SOS2: variants seen among roughly 807,000 people sequenced by gnomAD.
SOS2 encodes son of sevenless homolog 2.
A neutral mutation model predicts 148.2 loss-of-function variants in SOS2; 65 were observed. That is an observed-to-expected ratio of 0.44 (90% CI 0.36 to 0.54). The LOEUF (loss-of-function observed/expected upper bound fraction) is 0.54, where lower values mean the gene tolerates loss of function less well. Among genes scored for constraint, SOS2 ranks in the 20% least tolerant of loss-of-function variants. The pLI, the probability that SOS2 is intolerant of heterozygous loss-of-function variation, is 0.00. For missense variants in SOS2, 1,341 were observed against 1,590.2 expected, an observed-to-expected ratio of 0.84 and a Z score of 2.67; for synonymous variants, 539 against 537.1, an observed-to-expected ratio of 1.00 and a Z score of -0.05.
chr14:50,133,611 T>G (rs1883979594), intron 19 of SOS2, among the ~76,000 whole-genome samples: 5 of 152,344 alleles, frequency 3.3e-5, no homozygotes, highest in Admixed American at 3.3e-4. Flanking sequence ...TTTACTTCCT[T>G]CTATATCTTG....
intron 8 of SOS2, among the ~76,000 whole-genome samples, chr14:50,165,773 G>GT (rs1375221256): frequency 1.3e-5 from 2 of 152,132 alleles, no homozygotes; most frequent in Non-Finnish European, 2.9e-5. Flanking sequence ...AATAATGAAT[G>GT]TTTTTTGAGC....
chr14:50,186,369 A>G (rs1290081989), intron 5 of SOS2, among the ~76,000 whole-genome samples: 1 of 152,232 alleles, frequency 6.6e-6, no homozygotes, highest in African/African-American at 2.4e-5. Flanking sequence ...CAAAGATAAT[A>G]TTAGCTGCCA....
intron 2 of SOS2, among the ~76,000 whole-genome samples, 170 bp downstream of exon 2, chr14:50,204,114 G>A (rs1278215494): frequency 6.6e-6 from 1 of 150,546 alleles, no homozygotes; most frequent in Non-Finnish European, 1.5e-5. Flanking sequence ...TGAAAAACTT[G>A]CCTTTCCTCA....
At chr14:50,219,286 T>C (rs561150550) in intron 1 of SOS2, among the ~76,000 whole-genome samples, 1 of 152,068 alleles carries the variant, frequency 6.6e-6, no homozygotes, top group East Asian at 1.9e-4. Flanking sequence ...TGTACATAAA[T>C]AAGTGAATGG....
intron 8 of SOS2, among the ~76,000 whole-genome samples, chr14:50,169,006 A>T (rs1298585983): frequency 1.3e-5 from 2 of 152,202 alleles, no homozygotes; most frequent in African/African-American, 4.8e-5. Flanking sequence ...TAGTTACCTA[A>T]AATTATTTCA....
At position 50,161,899 on chromosome 14, in the gene SOS2, T is replaced by C. The variant is rs183076496; in HGVS notation, c.1069-290A>G. ...TCAAGTAGCTGAGACCACAGGCGAA[T>C]GCCACCACACCCAGCTAATTTTTAA... On this transcript the variant is annotated intron_variant, in intron 8 of 22. Transcript: ENST00000216373. Among the ~76,000 whole-genome samples, 889 of 151,304 alleles carry C rather than the reference T, an allele frequency of 5.9e-3. 5 individuals carry two copies. The highest frequency in any genetic ancestry group is 0.028 in the Middle Eastern group (8 of 288).
intron 4 of SOS2, among the ~76,000 whole-genome samples, chr14:50,195,404 T>C (rs1213006483): frequency 6.6e-6 from 1 of 151,850 alleles, no homozygotes; most frequent in Non-Finnish European, 1.5e-5. Context: ...TTTTTTAAAC[T>C]CTCAAAAGGT....
chr14:50,155,019 C>T (rs902458641), intron 12 of SOS2, among the ~76,000 whole-genome samples: 1 of 151,228 alleles, frequency 6.6e-6, no homozygotes, highest in Non-Finnish European at 1.5e-5. Flanking sequence ...TAATGACATA[C>T]AAGTTGAAGT....
At chr14:50,184,848 A>G (rs1885855980) in intron 5 of SOS2, among the ~76,000 whole-genome samples, 1 of 129,008 alleles carries the variant, frequency 7.8e-6, no homozygotes, top group South Asian at 2.8e-4. Context: ...TGGGCAACAG[A>G]GCCAGACCCT....
At chr14:50,205,118 T>A (rs928544762) in intron 1 of SOS2, among the ~76,000 whole-genome samples, 8 of 152,180 alleles carry the variant, frequency 5.3e-5, no homozygotes, top group African/African-American at 1.7e-4. Context: ...GGTCTCACTC[T>A]GTCACCCAGG....
chr14:50,185,616 CGGGAGGTA>C (rs1446202977), intron 5 of SOS2, among the ~76,000 whole-genome samples: 1 of 150,150 alleles, frequency 6.7e-6, no homozygotes, highest in Non-Finnish European at 1.5e-5. Context: ...CGCTTGAACC[CGGGAGGTA>C]GAGGTTGCAG....
At chr14:50,163,818 A>C (rs572830432) in intron 8 of SOS2, among the ~76,000 whole-genome samples, 26 of 152,318 alleles carry the variant, frequency 1.7e-4, no homozygotes, top group African/African-American at 5.5e-4. Context: ...CCAAATATCT[A>C]AATTATCACC....
chr14:50,152,364 T>C (rs771367416), intron 13 of SOS2, among the ~76,000 whole-genome samples: 49 of 152,244 alleles, frequency 3.2e-4, no homozygotes, highest in South Asian at 6.2e-4. Context: ...ACCAAAAACA[T>C]TTCCAGAAGA....
chr14:50,153,440 T>C (rs115399006), intron 12 of SOS2, among the ~76,000 whole-genome samples: 1 of 152,192 alleles, frequency 6.6e-6, no homozygotes, highest in African/African-American at 2.4e-5. Flanking sequence ...CCATTTATGT[T>C]AAGGAAAAGT....
chr14:50,138,887 C>A, intron 17 of SOS2, 103 bp from the exon 18 acceptor site: 1 of 455,748 alleles, frequency 2.2e-6, no homozygotes, highest in Middle Eastern at 5.7e-4. Flanking sequence ...GAAAGACATC[C>A]TATACTATTC....
chr14:50,139,617 ATAAAT>A (rs1325168186), intron 17 of SOS2, among the ~76,000 whole-genome samples: 8 of 152,354 alleles, frequency 5.3e-5, no homozygotes, highest in African/African-American at 1.4e-4. Context: ...GAAGCTTTTA[ATAAAT>A]TAAAGAGAAA....
In SOS2 at chr14:50,120,165, A is replaced by T. The variant is rs557926581; in HGVS notation, c.3489+110T>A. ...TTCAAATATAACAACCCAAATGCTG[A>T]AAAACCATAAATGGTAGCCAAAGTA... On this transcript the variant is annotated intron_variant, in intron 22 of 22. Coordinates refer to ENST00000216373, the MANE Select transcript of SOS2 (RefSeq NM_006939.4). The T allele has an allele frequency of 1.5e-5, 9 of 599,784 alleles. No homozygotes were observed. The Admixed American group carries it at 3.1e-4, about 21-fold the overall frequency. The allele number at this position is 599,784 out of a possible 1,614,324, so 37.2% of individuals were successfully genotyped here.
intron 1 of SOS2, among the ~76,000 whole-genome samples, chr14:50,221,231 T>C (rs1299724622): frequency 6.6e-6 from 1 of 152,228 alleles, no homozygotes; most frequent in East Asian, 1.9e-4. Context: ...AAAATAAAAT[T>C]GAAAAAATAA....
chr14:50,119,833 AAG>A (rs1258702185), intron 22 of SOS2, among the ~76,000 whole-genome samples: 2 of 117,110 alleles, frequency 1.7e-5, no homozygotes, highest in Admixed American at 2.1e-4. Context: ...TTTTTGAGAC[AAG>A]AGTTTTGCAA....
Sources: gnomAD v4.1 joint callset for allele counts (sites outside exome capture counted in the v4.1 genomes callset) on GRCh38, gnomAD v4.1.1 for gene constraint, MANE v1.5 for transcripts, NCBI Gene and HGNC (gene_info 2026-07-23, HGNC 2026-07-21) for gene names.